BTBD9: variants seen among roughly 807,000 people sequenced by gnomAD.
BTBD9 encodes BTB/POZ domain-containing protein 9.
In BTBD9, 49 loss-of-function variants were observed where a neutral mutation model predicts 64.3. The ratio of observed to expected loss-of-function variants is 0.76; its 90% CI spans 0.61 to 0.97. The LOEUF (loss-of-function observed/expected upper bound fraction) is 0.97, where lower values mean the gene tolerates loss of function less well. Ranked by LOEUF, BTBD9 falls within the 50% of genes least tolerant of loss-of-function variation. The pLI is 0.00. For synonymous variants in BTBD9, 260 were observed against 274.7 expected (o/e 0.95, Z 0.53); for missense variants, 598 against 762.1 (o/e 0.78, Z 2.53).
intron 7 of BTBD9, among the ~76,000 whole-genome samples, chr6:38,309,380 A>C (rs1446370186): frequency 1.3e-5 from 2 of 151,862 alleles, no homozygotes; most frequent in African/African-American, 4.8e-5. Flanking sequence ...CAAATAAACA[A>C]ACAAACAAAC....
At chr6:38,561,947 G>A (rs1168412041) in intron 6 of BTBD9, among the ~76,000 whole-genome samples, 2 of 152,126 alleles carry the variant, frequency 1.3e-5, no homozygotes, top group Non-Finnish European at 2.9e-5. Context: ...AAATTAGAGA[G>A]AGAGAAAGAG....
At chr6:38,622,544 T>C (rs780973736) in intron 1 of BTBD9, among the ~76,000 whole-genome samples, 2 of 152,182 alleles carry the variant, frequency 1.3e-5, no homozygotes, top group African/African-American at 2.4e-5. Flanking sequence ...CCATCTCTGA[T>C]AGGACCAAAA....
chr6:38,636,129 A>G (rs1778519295), intron 1 of BTBD9, among the ~76,000 whole-genome samples: 1 of 152,236 alleles, frequency 6.6e-6, no homozygotes, highest in East Asian at 1.9e-4. Context: ...CACATGTATA[A>G]TCTCCACAAT....
intron 6 of BTBD9, among the ~76,000 whole-genome samples, chr6:38,404,100 G>C (rs2076205822): frequency 1.3e-5 from 2 of 152,188 alleles, no homozygotes; most frequent in Admixed American, 1.3e-4. Flanking sequence ...GGAAGTGACT[G>C]CTTATGGATA....
intron 6 of BTBD9, among the ~76,000 whole-genome samples, chr6:38,374,307 G>GTATATATATATATGTA (rs1582317684): frequency 1.0e-4 from 6 of 59,090 alleles, no homozygotes; most frequent in South Asian, 6.4e-4. Context: ...GTATATATAT[G>GTATATATATATATGTA]TATATATATA....
intron 6 of BTBD9, among the ~76,000 whole-genome samples, chr6:38,443,834 C>T (rs1366432886): frequency 6.6e-6 from 1 of 152,168 alleles, no homozygotes; most frequent in Non-Finnish European, 1.5e-5. Context: ...CCTTACTGGT[C>T]TCCCCATCCA....
chr6:38,453,701 C>A (rs112534369), intron 6 of BTBD9, among the ~76,000 whole-genome samples: 54 of 152,308 alleles, frequency 3.5e-4, no homozygotes, highest in African/African-American at 1.2e-3. Flanking sequence ...AGCTCTTCAA[C>A]ATTCTCTTAT....
At position 38,425,752 on chromosome 6, in the gene BTBD9, TA is replaced by T. The variant is rs755397152; in HGVS notation, c.1155-80660del. ...GTGAGACCCCATCACTACCAATAAC[TA>T]AAAAAAAAAAAAAATTAGCAGGGCT... On this transcript the variant is annotated intron_variant, in intron 6 of 10. Transcript: ENST00000481247. 4.9e-3 allele frequency among the ~76,000 whole-genome samples: 662 copies of T among 135,128 alleles called. 1 individual carries two copies. Among genetic ancestry groups the T allele is most frequent in the East Asian group, 0.012 (59 of 4,780 alleles). The allele number at this position is 135,128 out of a possible 152,430, so 88.6% of individuals were successfully genotyped here.
intron 6 of BTBD9, among the ~76,000 whole-genome samples, chr6:38,457,583 T>A (rs951485747): frequency 8.6e-5 from 13 of 151,914 alleles, no homozygotes; most frequent in African/African-American, 3.1e-4. Flanking sequence ...AATAACTGAT[T>A]GGAGGAGTGA....
chr6:38,632,190 G>A (rs1464644074), intron 1 of BTBD9, among the ~76,000 whole-genome samples: 1 of 152,170 alleles, frequency 6.6e-6, no homozygotes. Context: ...CACAGCAATA[G>A]ATAACATAGA....
intron 8 of BTBD9, among the ~76,000 whole-genome samples, chr6:38,276,183 G>A (rs1027593967): frequency 2.0e-5 from 3 of 152,148 alleles, no homozygotes; most frequent in Non-Finnish European, 2.9e-5. Flanking sequence ...AAAATGATGA[G>A]TTCATGTCCT....
At chr6:38,212,403 G>A (rs1762864669) in intron 9 of BTBD9, among the ~76,000 whole-genome samples, 1 of 152,200 alleles carries the variant, frequency 6.6e-6, no homozygotes, top group South Asian at 2.1e-4. Context: ...AAGGTTGAGA[G>A]GGGGTGACAC....
At chr6:38,399,410 T>C (rs1333086875) in intron 6 of BTBD9, among the ~76,000 whole-genome samples, 3 of 152,224 alleles carry the variant, frequency 2.0e-5, no homozygotes, top group African/African-American at 7.2e-5. Flanking sequence ...TTCTGCTATG[T>C]TTTCTACTCA....
At chr6:38,562,093 A>G (rs915503460) in intron 6 of BTBD9, among the ~76,000 whole-genome samples, 1 of 152,246 alleles carries the variant, frequency 6.6e-6, no homozygotes, top group African/African-American at 2.4e-5. Flanking sequence ...AGATCAAATT[A>G]TGATGTGGAC....
rs146570642 is a variant in BTBD9, at chr6:38,512,376, A to T, written c.1154+65224T>A. Among the ~76,000 whole-genome samples the T allele has an allele frequency of 2.0e-4, 31 of 152,328 alleles. 1 individual carries two copies. In the East Asian group the frequency reaches 6.0e-3, roughly 29 times the overall value. On this transcript the variant is annotated intron_variant, in intron 6 of 10. Transcript: ENST00000481247. ...ACATACCAAACCCCATATGGTGACT[A>T]TTAATTAGGTGTCAACATTTAGATG... is the stretch of plus-strand genomic sequence containing the variant.
chr6:38,324,549 A>G (rs988381683), intron 7 of BTBD9, among the ~76,000 whole-genome samples: 11 of 152,184 alleles, frequency 7.2e-5, no homozygotes, highest in African/African-American at 2.7e-4. Context: ...CAGACAGACT[A>G]TGGCAACAGG....
At position 38,637,778 on chromosome 6, in the gene BTBD9, T is replaced by C. The variant is rs145168204; in HGVS notation, c.-28+2022A>G. Among the ~76,000 whole-genome samples, 60 of 152,312 alleles carry C rather than the reference T, an allele frequency of 3.9e-4. 1 individual carries two copies. Among genetic ancestry groups the C allele is most frequent in the African/African-American group, 1.3e-3 (54 of 41,586 alleles). On this transcript the variant is annotated intron_variant, in intron 1 of 10. Coordinates refer to ENST00000481247, the MANE Select transcript of BTBD9 (RefSeq NM_001099272.2). The stretch of plus-strand genomic sequence containing the variant: ...TCCAATTAGTAATTGAAATCAAAAG[T>C]ATATTAACAACCTGATATTGGTTCA...
chr6:38,495,203 T>C (rs1424026893), intron 6 of BTBD9, among the ~76,000 whole-genome samples: 1 of 152,210 alleles, frequency 6.6e-6, no homozygotes, highest in Non-Finnish European at 1.5e-5. Context: ...ATAACATCTC[T>C]GTGTTTCGTT....
chr6:38,491,351 C>A (rs143207243), intron 6 of BTBD9, among the ~76,000 whole-genome samples: 1 of 152,210 alleles, frequency 6.6e-6, no homozygotes, highest in Non-Finnish European at 1.5e-5. Context: ...GTGCCACCAA[C>A]AAAGCCCTGA....
Sources: gnomAD v4.1 joint callset for allele counts (sites outside exome capture counted in the v4.1 genomes callset) on GRCh38, gnomAD v4.1.1 for gene constraint, MANE v1.5 for transcripts, NCBI Gene and HGNC (gene_info 2026-07-23, HGNC 2026-07-21) for gene names.